GLT1D1: variants seen among roughly 807,000 people sequenced by gnomAD.
The protein encoded by GLT1D1 is glycosyltransferase 1 domain-containing protein 1.
GLT1D1 carries 21 observed loss-of-function variants against 28.7 expected under a neutral mutation model. That is an observed-to-expected ratio of 0.73 (90% confidence interval 0.52 to 1.05). The LOEUF is 1.05. Ranked by LOEUF, GLT1D1 falls within the 50% of genes least tolerant of loss-of-function variation. The pLI is 0.00. For synonymous variants in GLT1D1, 147 were observed against 124.8 expected, an observed-to-expected ratio of 1.18 and a Z score of -1.19; for missense variants, 343 against 330.6, an observed-to-expected ratio of 1.04 and a Z score of -0.29.
intron 7 of GLT1D1, among the ~76,000 whole-genome samples, chr12:128,975,442 TTTTTTTG>T (rs1236099500): frequency 3.7e-5 from 4 of 106,962 alleles, no homozygotes; most frequent in African/African-American, 1.5e-4. Flanking sequence ...CCCATAGCTG[TTTTTTTG>T]TTTTTTATTT....
intron 7 of GLT1D1, among the ~76,000 whole-genome samples, chr12:128,965,304 CT>C (rs1180878430): frequency 6.6e-6 from 1 of 152,176 alleles, no homozygotes; most frequent in Non-Finnish European, 1.5e-5. Context: ...GGGGCGACCC[CT>C]GGTTGACAGC....
chr12:128,889,339 C>G (rs1386862685), intron 3 of GLT1D1, among the ~76,000 whole-genome samples: 1 of 152,160 alleles, frequency 6.6e-6, no homozygotes, highest in African/African-American at 2.4e-5. Flanking sequence ...TGGCTTAGGC[C>G]TTTTCCTTGG....
intron 7 of GLT1D1, among the ~76,000 whole-genome samples, chr12:128,981,134 C>T (rs892929980): frequency 1.3e-5 from 2 of 152,162 alleles, no homozygotes; most frequent in Non-Finnish European, 2.9e-5. Context: ...GCCACTCATC[C>T]AGGGTTTTAA....
intron 4 of GLT1D1, among the ~76,000 whole-genome samples, chr12:128,922,001 C>T (rs1872704105): frequency 6.6e-6 from 1 of 151,300 alleles, no homozygotes; most frequent in South Asian, 2.1e-4. Context: ...CTTGTACCTT[C>T]CTTCTTTCCC....
intron 1 of GLT1D1, among the ~76,000 whole-genome samples, chr12:128,858,501 G>A (rs1030521637): frequency 2.0e-4 from 30 of 152,002 alleles, no homozygotes; most frequent in Admixed American, 7.9e-4. Context: ...GTGAAACCCC[G>A]TCTCTACTAA....
intron 1 of GLT1D1, among the ~76,000 whole-genome samples, chr12:128,858,116 TAGTG>T (rs1252359446): frequency 6.6e-6 from 1 of 152,190 alleles, no homozygotes; most frequent in Non-Finnish European, 1.5e-5. Context: ...GTCTGGAACA[TAGTG>T]AGGACTAAGC....
At chr12:128,876,731 T>C (rs1425476631) in intron 2 of GLT1D1, among the ~76,000 whole-genome samples, 1 of 152,232 alleles carries the variant, frequency 6.6e-6, no homozygotes, top group African/African-American at 2.4e-5. Flanking sequence ...ACTACTAAGA[T>C]GTTAAAACCA....
intron 4 of GLT1D1, among the ~76,000 whole-genome samples, chr12:128,900,502 C>G (rs539315654): frequency 1.0e-3 from 154 of 152,284 alleles, no homozygotes; most frequent in Non-Finnish European, 2.0e-3. Flanking sequence ...GGCCCATAGT[C>G]TTACTCTTTA....
Position 128,853,541 on chromosome 12 carries a change from C to T in GLT1D1, c.-41C>T, listed in dbSNP as rs1226086714. The T allele has an allele frequency of 2.9e-6, 3 of 1,035,714 alleles. No individual in the cohort carries two copies. Among genetic ancestry groups the T allele is most frequent in the South Asian group, 4.3e-5 (1 of 23,126 alleles). 64.2% of individuals were successfully genotyped at this position (1,035,714 alleles called of 1,614,324 possible). A position where few individuals can be genotyped will look rare whatever the true frequency, so the allele number is the denominator to read the frequency against. On this transcript the variant is annotated 5_prime_UTR_variant, in exon 1 of 8. Transcript: ENST00000281703. ...TGCGCCGGCCCCGGGGCCTGGTCGG[C>T]GGCGGCGGGGCCGGTCGATGGCCCG...
rs1163942773 is a variant in GLT1D1 at position 128,910,513 on chromosome 12, T to A, written c.375+11226T>A. ...AGTGCTTTACCATCCATCTTCAAGA[T>A]GTTGCCAGGCGAGTGTTTTGGACAC... On this transcript the variant is annotated intron_variant, in intron 4 of 7. Coordinates refer to ENST00000281703, the MANE Select transcript of GLT1D1 (RefSeq NM_144669.3). 2.0e-5 allele frequency among the ~76,000 whole-genome samples: 3 copies of A among 152,154 alleles called. No individual in the cohort carries two copies. The East Asian group carries it at 5.8e-4, about 29-fold the overall frequency.
chr12:128,958,234 G>T (rs1795672), intron 7 of GLT1D1, among the ~76,000 whole-genome samples: 1 of 151,892 alleles, frequency 6.6e-6, no homozygotes, highest in Non-Finnish European at 1.5e-5. Context: ...GCGGTCCAGG[G>T]TTTGCCTGCA....
At chr12:128,928,689 C>T (rs1230149056) in intron 4 of GLT1D1, among the ~76,000 whole-genome samples, 4 of 148,078 alleles carry the variant, frequency 2.7e-5, no homozygotes, top group South Asian at 2.1e-4. Flanking sequence ...GGTGTGATCT[C>T]GGCTCACTGC....
chr12:128,928,209 C>CAGAT (rs768010452), intron 4 of GLT1D1, among the ~76,000 whole-genome samples: 2 of 152,148 alleles, frequency 1.3e-5, no homozygotes, highest in East Asian at 1.9e-4. Context: ...CACCCAGCAT[C>CAGAT]AGATGGCAGG....
At chr12:128,881,553 AAAAAAAAAATATATATAT>A (rs1179594839) in intron 2 of GLT1D1, among the ~76,000 whole-genome samples, 1 of 68,130 alleles carries the variant, frequency 1.5e-5, no homozygotes, top group East Asian at 4.3e-4. Context: ...AAAAAAAAAA[AAAAAAAAAATATATATAT>A]ATATATATAT....
chr12:128,944,954 G>T lies in GLT1D1; in HGVS notation c.376-372G>T, dbSNP rs536802671. The T allele has an allele frequency of 9.4e-6, 5 of 531,768 alleles. No individual in the cohort carries two copies. In the South Asian group the frequency reaches 1.2e-4, roughly 13 times the overall value. 32.9% of individuals were successfully genotyped at this position (531,768 alleles called of 1,614,324 possible). A position where few individuals can be genotyped will look rare whatever the true frequency, so the allele number is the denominator to read the frequency against. ...TAACGCTATCCCTCCTCCAGCCCCC[G>T]ACCCCCAACAGGCCCCGGTGTGTGA... On this transcript the variant is annotated intron_variant, in intron 4 of 7. Coordinates refer to ENST00000281703, the MANE Select transcript of GLT1D1 (RefSeq NM_144669.3).
At chr12:128,883,278 G>A (rs907918197) in intron 2 of GLT1D1, among the ~76,000 whole-genome samples, 1 of 151,490 alleles carries the variant, frequency 6.6e-6, no homozygotes, top group South Asian at 2.1e-4. Flanking sequence ...AAGCAGATAA[G>A]GTCGGGTGGC....
At chr12:128,933,250 G>C (rs925721329) in intron 4 of GLT1D1, among the ~76,000 whole-genome samples, 2 of 152,276 alleles carry the variant, frequency 1.3e-5, no homozygotes, top group African/African-American at 4.8e-5. Context: ...CTGAACACAG[G>C]GTGCGGAAGC....
intron 7 of GLT1D1, among the ~76,000 whole-genome samples, chr12:128,980,918 A>G (rs1880257964): frequency 6.6e-6 from 1 of 152,228 alleles, no homozygotes; most frequent in Non-Finnish European, 1.5e-5. Context: ...GGGTGTGGCC[A>G]TCTTTGCAAA....
intron 4 of GLT1D1, among the ~76,000 whole-genome samples, chr12:128,905,347 G>A (rs1464792710): frequency 6.6e-6 from 1 of 152,238 alleles, no homozygotes; most frequent in Non-Finnish European, 1.5e-5. Context: ...CGTGTGGCGA[G>A]GGCTGTTGTG....
Sources: allele counts gnomAD v4.1 joint callset (sites outside exome capture counted in the v4.1 genomes callset), GRCh38; gene constraint gnomAD v4.1.1; transcripts MANE v1.5; gene names NCBI Gene and HGNC (gene_info 2026-07-23, HGNC 2026-07-21).